Variants in ZNF639 observed in about 807,000 individuals in gnomAD.
ZNF639 encodes zinc finger protein 639.
A neutral mutation model predicts 39.8 loss-of-function variants in ZNF639; 20 were observed. The ratio of observed to expected loss-of-function variants is 0.50; its 90% confidence interval spans 0.35 to 0.73. The LOEUF is 0.73. Among genes scored for constraint, ZNF639 ranks in the 30% least tolerant of loss-of-function variants. The pLI is 0.00. For synonymous variants in ZNF639, 176 were observed against 189.8 expected (o/e 0.93, Z 0.60); for missense variants, 477 against 566.2 (o/e 0.84, Z 1.60).
chr3:179,328,830 C>G (rs906802064), intron 3 of ZNF639, among the ~76,000 whole-genome samples: 4 of 145,664 alleles, frequency 2.7e-5, no homozygotes, highest in Non-Finnish European at 5.9e-5. Context: ...GGCTGGAGTG[C>G]CATGGTGTGA....
intron 4 of ZNF639, among the ~76,000 whole-genome samples, chr3:179,332,342 G>T (rs1727963815): frequency 6.6e-6 from 1 of 152,218 alleles, no homozygotes; most frequent in African/African-American, 2.4e-5. Context: ...TGATGGATGG[G>T]CTGAGTGTGG....
rs532044914 is a variant in ZNF639, at chr3:179,328,066, G to A, written c.-11-217G>A. On this transcript the variant is annotated intron_variant, in intron 2 of 5. Coordinates refer to ENST00000496856, the MANE Select transcript of ZNF639 (RefSeq NM_001303426.2). ...TTTGAAAAAGAATTTTTTAACCTCC[G>A]TAAGAAAGAAAACAGAAATCAGTTT... is the stretch of plus-strand genomic sequence containing the variant. 120 of 365,208 alleles carry A rather than the reference G, an allele frequency of 3.3e-4. 1 individual carries two copies. The highest frequency in any genetic ancestry group is 2.2e-3 in the African/African-American group (104 of 47,410). 22.6% of individuals were successfully genotyped at this position (365,208 alleles called of 1,614,324 possible). A position where few individuals can be genotyped will look rare whatever the true frequency, so the allele number is the denominator to read the frequency against.
intron 1 of ZNF639, among the ~76,000 whole-genome samples, chr3:179,325,834 T>C (rs1191084127): frequency 6.6e-6 from 1 of 151,858 alleles, no homozygotes; most frequent in African/African-American, 2.4e-5. Flanking sequence ...TGAGCCAAGA[T>C]AGCGCCACTG....
rs1711639634 is a variant in ZNF639, at chr3:179,338,401, T to C, written c.*3979T>C. The C allele has an allele frequency of 6.6e-6, 1 of 152,208 alleles. No individual in the cohort carries two copies. Among genetic ancestry groups the C allele is most frequent in the Non-Finnish European group, 1.5e-5 (1 of 68,038 alleles). 9.4% of individuals were successfully genotyped at this position (152,208 alleles called of 1,614,324 possible). On this transcript the variant is annotated 3_prime_UTR_variant, in exon 6 of 6. Coordinates refer to ENST00000496856, the MANE Select transcript of ZNF639 (RefSeq NM_001303426.2). ...AATGGTTGTTCACTAAAAAGCCTCTTCTTTTCCTGCTTATAAATTTGCCAA... is the reference window on the plus strand; with the variant it reads ...AATGGTTGTTCACTAAAAAGCCTCTCCTTTTCCTGCTTATAAATTTGCCAA...
chr3:179,332,593 G>C (rs1727977171), intron 4 of ZNF639, among the ~76,000 whole-genome samples: 1 of 152,216 alleles, frequency 6.6e-6, no homozygotes, highest in African/African-American at 2.4e-5. Context: ...GTGTACTCCA[G>C]CCTTGGCAGA....
intron 2 of ZNF639, 148 bp downstream of exon 2, chr3:179,327,779 A>G (rs1421759161): frequency 6.6e-6 from 1 of 152,288 alleles, no homozygotes; most frequent in African/African-American, 2.4e-5. Context: ...AAAATTATTT[A>G]TATTCTGATC....
In ZNF639 at chr3:179,333,552, G is replaced by T. The variant is rs752663596; in HGVS notation, c.588G>T (p.Leu196=). The part of the protein sequence containing the change: ...NVTAQQKWPL[L]RANSSGLYKC... ...CTGCCCAGCAGAAATGGCCTTTACT[G>T]AGAGCTAATAGCAGTGGCCTCTATA... Residue 196 remains leucine, a synonymous_variant, in exon 6 of 6, where the codon CTG becomes CTT. Coordinates refer to ENST00000496856, the MANE Select transcript of ZNF639 (RefSeq NM_001303426.2). 6.2e-7 allele frequency: 1 copy of T among 1,614,132 alleles called. No homozygotes were observed. The highest frequency in any genetic ancestry group is 1.1e-5 in the South Asian group (1 of 91,080).
rs1213809421 is a variant in ZNF639, at chr3:179,323,067, G to A, written c.-307G>A. The A allele has an allele frequency of 1.0e-6, 1 of 985,048 alleles. No homozygotes were observed. The highest frequency in any genetic ancestry group is 1.2e-6 in the Non-Finnish European group (1 of 830,042). The allele number at this position is 985,048 out of a possible 1,614,324, so 61.0% of individuals were successfully genotyped here. The stretch of plus-strand genomic sequence containing the variant: ...CGCAGGCGCGGAGCGTGGCGGCCAG[G>A]GCAGTGCGGCCGCGGAGCCTAGGCC... On this transcript the variant is annotated 5_prime_UTR_variant, in exon 1 of 6. Transcript: ENST00000496856.
chr3:179,328,425 A>G, intron 3 of ZNF639, 74 bp downstream of exon 3: 2 of 1,073,352 alleles, frequency 1.9e-6, no homozygotes, highest in Non-Finnish European at 2.7e-6. Context: ...ATTTTCTCCT[A>G]AGTGATCAGA....
intron 1 of ZNF639, 136 bp from the exon 2 acceptor site, chr3:179,327,424 AT>A (rs1727660210): frequency 6.6e-6 from 1 of 152,256 alleles, no homozygotes; most frequent in Non-Finnish European, 1.5e-5. Context: ...TATGTAGTAC[AT>A]TGTTTTCAAA....
At chr3:179,329,756 TTC>T (rs1305718552) in intron 4 of ZNF639, 28 bp downstream of exon 4, 3 of 1,221,084 alleles carry the variant, frequency 2.5e-6, no homozygotes, top group Non-Finnish European at 3.5e-6. Context: ...GAAAATATGT[TTC>T]TTTAAACTGC....
At chr3:179,325,679 G>C (rs969950021) in intron 1 of ZNF639, among the ~76,000 whole-genome samples, 3 of 151,208 alleles carry the variant, frequency 2.0e-5, no homozygotes, top group Admixed American at 2.0e-4. Context: ...AGATCACGAG[G>C]TCAGGAGATC....
At position 179,326,849 on chromosome 3, in the gene ZNF639, CTT is replaced by C. The variant is rs533154403; in HGVS notation, c.-82-709_-82-708del. ...CCATATTGGCCAGGCTGGTCTCGAT[CTT>C]TTATTTCTTAAATAAATAATCTATA... On this transcript the variant is annotated intron_variant, in intron 1 of 5. Transcript: ENST00000496856. Among the ~76,000 whole-genome samples, 411 of 151,760 alleles carry C rather than the reference CTT, an allele frequency of 2.7e-3. 2 individuals are homozygous for C. The highest frequency in any genetic ancestry group is 9.3e-3 in the African/African-American group (387 of 41,424).
rs1262438801 is a variant in ZNF639 at position 179,334,314 on chromosome 3, A to G, written c.1350A>G (p.Leu450=). The G allele has an allele frequency of 1.2e-5, 20 of 1,612,872 alleles. No homozygotes were observed. The highest frequency in any genetic ancestry group is 1.5e-5 in the Non-Finnish European group (18 of 1,179,434). ...AAATTGAAGATCTTAAAATTCATCT[A>G]GATTTCAAGCATTCAGCTGACTTGC... ...TGQIEDLKIH[L]DFKHSADLPH... The change falls in exon 6 of 6, where the codon CTA becomes CTG. Residue 450 remains leucine, a synonymous_variant. Transcript: ENST00000496856.
At position 179,323,314 on chromosome 3, in the gene ZNF639, T is replaced by C. The variant is rs1403355109; in HGVS notation, c.-83+23T>C. 3.0e-6 allele frequency: 3 copies of C among 984,362 alleles called. No individual in the cohort carries two copies. In the East Asian group the frequency reaches 3.4e-4, roughly 113 times the overall value. 61.0% of individuals were successfully genotyped at this position (984,362 alleles called of 1,614,324 possible). On this transcript the variant is annotated intron_variant, in intron 1 of 5. Coordinates refer to ENST00000496856, the MANE Select transcript of ZNF639 (RefSeq NM_001303426.2). ...CTGGTGAGTGTGAGGGAGGAGCGGG[T>C]GGGTCGGGCGCTGGACTGCTCCAGG... is the stretch of plus-strand genomic sequence containing the variant.
chr3:179,333,088 T>C lies in ZNF639; in HGVS notation c.269T>C (p.Val90Ala). 1 of 1,601,456 alleles carries C rather than the reference T, an allele frequency of 6.2e-7. No homozygotes were observed. Among genetic ancestry groups the C allele is most frequent in the Non-Finnish European group, 8.5e-7 (1 of 1,173,160 alleles). The change falls in exon 5 of 6, where the codon GTA becomes GCA. Residue 90 changes from valine (V) to alanine (A), a missense_variant. By Grantham distance (64) the Val-to-Ala change is moderately conservative (BLOSUM62 0). Coordinates refer to ENST00000496856, the MANE Select transcript of ZNF639 (RefSeq NM_001303426.2). ...CAGAACTACCTGGTTCCCAGTCCTG[T>C]ACTTAGAATTCTAGACCACACTGCC... Reference protein sequence around the residue: ...RNQNYLVPSPVLRILDHTAFS... With the variant: ...RNQNYLVPSPALRILDHTAFS...
chr3:179,327,077 C>G (rs1437032598), intron 1 of ZNF639, among the ~76,000 whole-genome samples: 1 of 151,850 alleles, frequency 6.6e-6, no homozygotes, highest in African/African-American at 2.4e-5. Context: ...GTAATCCCAG[C>G]TACTTGGGAG....
Position 179,332,207 on chromosome 3 carries a change from C to T in ZNF639, c.170-782C>T, listed in dbSNP as rs549289322. On this transcript the variant is annotated intron_variant, in intron 4 of 5. Transcript: ENST00000496856. ...TTGGTCATTAATTGTAACAAATGTG[C>T]CACACTAATGTTAGATGTTAGTAGT... is the stretch of plus-strand genomic sequence containing the variant. Among the ~76,000 whole-genome samples the T allele has an allele frequency of 1.1e-4, 16 of 152,284 alleles. No individual in the cohort carries two copies. In the South Asian group the frequency reaches 2.5e-3, roughly 24 times the overall value.
chr3:179,324,642 C>CGTTCG (rs1342926741), intron 1 of ZNF639, among the ~76,000 whole-genome samples: 1 of 152,208 alleles, frequency 6.6e-6, no homozygotes, highest in African/African-American at 2.4e-5. Flanking sequence ...ATTTGGTTAT[C>CGTTCG]GTTCGGCCCT....
Sources: allele counts gnomAD v4.1 joint callset (sites outside exome capture counted in the v4.1 genomes callset), GRCh38; gene constraint gnomAD v4.1.1; transcripts MANE v1.5; gene names NCBI Gene and HGNC (gene_info 2026-07-23, HGNC 2026-07-21).